Variants in EEA1 observed in about 807,000 individuals in gnomAD.
EEA1 encodes the protein early endosome antigen 1, 162kD.
In EEA1, 111 loss-of-function variants were observed where a neutral mutation model predicts 209.2. The observed-to-expected ratio is 0.53, with a 90% CI of 0.45 to 0.62. EEA1 has a LOEUF of 0.62. Ranked by LOEUF, EEA1 falls within the 20% of genes least tolerant of loss-of-function variation. The pLI is 0.00. For missense variants in EEA1, 1,343 were observed against 1,530.8 expected (o/e 0.88, Z 2.05); for synonymous variants, 536 against 540.6 (o/e 0.99, Z 0.12).
chr12:92,913,853 G>T (rs1233047797), intron 1 of EEA1, among the ~76,000 whole-genome samples: 1 of 152,098 alleles, frequency 6.6e-6, no homozygotes, highest in Non-Finnish European at 1.5e-5. Context: ...TAGAGACATG[G>T]TTTCACTATG....
intron 2 of EEA1, chr12:92,884,601 G>A (rs1199885357): frequency 4.9e-5 from 70 of 1,441,328 alleles, no homozygotes; most frequent in Middle Eastern, 2.4e-4. Flanking sequence ...AGAAGCCCTG[G>A]CCCCTATGGT....
intron 15 of EEA1, among the ~76,000 whole-genome samples, chr12:92,815,078 C>G (rs1875715640): frequency 6.6e-6 from 1 of 152,084 alleles, no homozygotes; most frequent in Non-Finnish European, 1.5e-5. Context: ...TGAACTAACA[C>G]TAGCTCATAA....
At chr12:92,800,855 G>C (rs915997927) in intron 20 of EEA1, among the ~76,000 whole-genome samples, 2 of 152,216 alleles carry the variant, frequency 1.3e-5, no homozygotes, top group Non-Finnish European at 2.9e-5. Flanking sequence ...ACTTGGGCAT[G>C]AAGCAATTAT....
chr12:92,817,533 T>C (rs1199178661), intron 14 of EEA1, among the ~76,000 whole-genome samples: 2 of 152,122 alleles, frequency 1.3e-5, no homozygotes, highest in African/African-American at 2.4e-5. Flanking sequence ...CCATTTCCAC[T>C]GCTATCTCCA....
chr12:92,895,679 T>A (rs1283994149), intron 1 of EEA1, among the ~76,000 whole-genome samples: 1 of 152,186 alleles, frequency 6.6e-6, no homozygotes, highest in Non-Finnish European at 1.5e-5. Flanking sequence ...TTTCAAGTCT[T>A]ATTATTTAAG....
chr12:92,778,125 C>T lies in EEA1; in HGVS notation c.3709G>A (p.Ala1237Thr). Residue 1237 changes from alanine (A) to threonine (T), a missense_variant, in exon 26 of 29, where the codon GCT becomes ACT. Around this residue, in one of 3 missense-constraint regions of EEA1, gnomAD observed 1,307 missense variants for 1,465.5 expected, o/e 0.89. Transcript: ENST00000322349. The part of the protein sequence containing the change: ...VGMKKHEENE[A>T]KLTMQITALN... ...GCTGTAATCTGCATGGTAAGTTTAGCCTCATTTTCTTCATGCTTCTTCATT... is the reference window on the plus strand; with the variant it reads ...GCTGTAATCTGCATGGTAAGTTTAGTCTCATTTTCTTCATGCTTCTTCATT... The T allele has an allele frequency of 1.9e-6, 3 of 1,613,196 alleles. No individual in the cohort carries two copies. Among genetic ancestry groups the T allele is most frequent in the South Asian group, 1.1e-5 (1 of 91,050 alleles).
In EEA1 at chr12:92,771,849, A is replaced by G. The variant is rs1873442730; in HGVS notation, c.*4162T>C. The G allele has an allele frequency of 6.6e-6, 1 of 152,072 alleles. No homozygotes were observed. Among genetic ancestry groups the G allele is most frequent in the Non-Finnish European group, 1.5e-5 (1 of 67,942 alleles). The allele number at this position is 152,072 out of a possible 1,614,324, so 9.4% of individuals were successfully genotyped here. ...GTATAAAGGTAGTTTTCTCCCTCTG[A>G]ATCTCATTAAAGGGAGAGACAGACT... On this transcript the variant is annotated 3_prime_UTR_variant, in exon 29 of 29. Transcript: ENST00000322349.
chr12:92,923,975 G>A (rs1324521869), intron 1 of EEA1, among the ~76,000 whole-genome samples: 2 of 152,122 alleles, frequency 1.3e-5, no homozygotes, highest in East Asian at 3.9e-4. Flanking sequence ...GCCAGGTGTG[G>A]TAGTTCACAC....
At chr12:92,858,087 G>T (rs1045995653) in intron 3 of EEA1, 10 of 472,484 alleles carry the variant, frequency 2.1e-5, no homozygotes, top group Non-Finnish European at 3.2e-5. Context: ...CAACATGAAC[G>T]GGAGCTCAAC....
At chr12:92,852,804 A>G (rs1242009512) in intron 7 of EEA1, 108 bp downstream of exon 7, 4 of 699,256 alleles carry the variant, frequency 5.7e-6, no homozygotes, top group Non-Finnish European at 9.4e-6. Context: ...TTGGAAGTCT[A>G]TCACAAATGC....
Position 92,802,419 on chromosome 12 carries a change from G to A in EEA1, c.2655C>T (p.Ala885=), listed in dbSNP as rs777952833. 1.1e-5 allele frequency: 18 copies of A among 1,573,824 alleles called. No homozygotes were observed. The Admixed American group carries it at 1.3e-4, about 11-fold the overall frequency. ...AACTACTAACCAAGTCTAATATAGC[G>A]GCTTTTCCTTTCTGATTCTCCTTTT... ...EFEKENQKGK[A]AILDLEKTCK... is the part of the protein sequence containing the mutation. The change falls in exon 19 of 29, where the codon GCC becomes GCT. Residue 885 remains alanine, a synonymous_variant. Coordinates refer to ENST00000322349, the MANE Select transcript of EEA1 (RefSeq NM_003566.4).
At chr12:92,928,964 G>A in intron 1 of EEA1, 79 bp downstream of exon 1, 1 of 1,477,320 alleles carries the variant, frequency 6.8e-7, no homozygotes, top group South Asian at 1.2e-5. Context: ...CCCGCGCTGA[G>A]GAGGGGCGCC....
At chr12:92,790,955 T>A (rs2136657765) in intron 21 of EEA1, among the ~76,000 whole-genome samples, 1 of 152,030 alleles carries the variant, frequency 6.6e-6, no homozygotes, top group Non-Finnish European at 1.5e-5. Flanking sequence ...CAGAAGAGAG[T>A]GGGGGCCAAT....
chr12:92,780,242 T>G, intron 24 of EEA1, 38 bp downstream of exon 24: 1 of 1,572,820 alleles, frequency 6.4e-7, no homozygotes, highest in East Asian at 2.3e-5. Flanking sequence ...AAGAGCAATA[T>G]AACACAGAAG....
chr12:92,898,516 T>C (rs113231787), intron 1 of EEA1, among the ~76,000 whole-genome samples: 9,426 of 151,874 alleles, frequency 0.062, 323 homozygotes, highest in Middle Eastern at 0.11. Context: ...ATACAAAAAT[T>C]AGCTGGGCAT....
chr12:92,841,803 A>G (rs1296496342), intron 10 of EEA1, among the ~76,000 whole-genome samples: 1 of 152,220 alleles, frequency 6.6e-6, no homozygotes, highest in Admixed American at 6.5e-5. Flanking sequence ...TACAGCCACT[A>G]TGGAAATTAG....
intron 2 of EEA1, among the ~76,000 whole-genome samples, chr12:92,870,031 T>C (rs1343506748): frequency 6.6e-6 from 1 of 152,142 alleles, no homozygotes; most frequent in African/African-American, 2.4e-5. Context: ...TTAACTGTCC[T>C]CCTATAAAGT....
intron 13 of EEA1, among the ~76,000 whole-genome samples, chr12:92,821,919 A>G (rs1876071746): frequency 6.7e-6 from 1 of 150,338 alleles, no homozygotes; most frequent in African/African-American, 2.4e-5. Flanking sequence ...AAAACCTTCA[A>G]TTAACCACAT....
At chr12:92,913,511 G>C (rs1196356935) in intron 1 of EEA1, among the ~76,000 whole-genome samples, 1 of 152,116 alleles carries the variant, frequency 6.6e-6, no homozygotes, top group African/African-American at 2.4e-5. Flanking sequence ...TGGCTGTACA[G>C]ACAATTTTTA....
Sources: gnomAD v4.1 joint callset for allele counts (sites outside exome capture counted in the v4.1 genomes callset) on GRCh38, gnomAD v4.1.1 for gene constraint, gnomAD v4.1.1 regional missense constraint, MANE v1.5 for transcripts, NCBI Gene and HGNC (gene_info 2026-07-23, HGNC 2026-07-21) for gene names.